WDFY4: variants seen among roughly 807,000 people sequenced by gnomAD.
WDFY4 encodes the protein WD repeat- and FYVE domain-containing protein 4.
WDFY4 carries 169 observed loss-of-function variants against 351.9 expected under a neutral mutation model. The ratio of observed to expected loss-of-function variants is 0.48; its 90% CI spans 0.42 to 0.55. WDFY4 has a LOEUF of 0.55. WDFY4 is among the 20% of genes least tolerant of loss of function. The pLI, the probability that WDFY4 is intolerant of heterozygous loss-of-function variation, is 0.00. For missense variants in WDFY4, 3,803 were observed against 3,935.6 expected, an observed-to-expected ratio of 0.97 and a Z score of 0.90; for synonymous variants, 1,622 against 1,574.6, an observed-to-expected ratio of 1.03 and a Z score of -0.71.
At chr10:48,923,656 A>C (rs1285184693) in intron 47 of WDFY4, among the ~76,000 whole-genome samples, 1 of 151,788 alleles carries the variant, frequency 6.6e-6, no homozygotes, top group Non-Finnish European at 1.5e-5. Context: ...GTATGAGCAT[A>C]TTGAGTGCCT....
At chr10:48,800,185 G>C (rs887962873) in intron 24 of WDFY4, among the ~76,000 whole-genome samples, 4 of 152,184 alleles carry the variant, frequency 2.6e-5, no homozygotes, top group African/African-American at 7.2e-5. Flanking sequence ...CGCCCAGCCG[G>C]TTTCGTGTTT....
At chr10:48,800,706 C>T (rs1319335441) in intron 24 of WDFY4, among the ~76,000 whole-genome samples, 1 of 134,452 alleles carries the variant, frequency 7.4e-6, no homozygotes, top group Non-Finnish European at 1.6e-5. Context: ...TTCTTTCTTT[C>T]TTTCTTTCTT....
intron 47 of WDFY4, among the ~76,000 whole-genome samples, chr10:48,941,582 G>T (rs1840766604): frequency 6.6e-6 from 1 of 152,182 alleles, no homozygotes; most frequent in South Asian, 2.1e-4. Context: ...CACAGCGGAG[G>T]GACACTGACT....
chr10:48,816,849 A>T (rs1302193955), intron 31 of WDFY4, among the ~76,000 whole-genome samples: 1 of 152,218 alleles, frequency 6.6e-6, no homozygotes, highest in Non-Finnish European at 1.5e-5. Flanking sequence ...TCTAACATGT[A>T]TGTATATACA....
intron 10 of WDFY4, among the ~76,000 whole-genome samples, chr10:48,734,302 T>C (rs1379895776): frequency 6.6e-6 from 1 of 152,188 alleles, no homozygotes; most frequent in Admixed American, 6.5e-5. Context: ...TCTAAATTTA[T>C]GAGAAAAATT....
In WDFY4 at chr10:48,970,873, G is replaced by A. The variant is rs75410500; in HGVS notation, c.8928+584G>A. Among the ~76,000 whole-genome samples, 182 of 152,314 alleles carry A rather than the reference G, an allele frequency of 1.2e-3. 2 individuals are homozygous for A. In the East Asian group the frequency reaches 0.031, roughly 26 times the overall value. On this transcript the variant is annotated intron_variant, in intron 57 of 61. Coordinates refer to ENST00000325239, the MANE Select transcript of WDFY4 (RefSeq NM_001394531.1). ...GGGAGGAGGAGGAGCCATGAGCCAG[G>A]AGTCTGAGGATGTGCACCACCAGCC... is the stretch of plus-strand genomic sequence containing the variant.
At position 48,970,201 on chromosome 10, in the gene WDFY4, C is replaced by T. The variant is rs41283303; in HGVS notation, c.8840C>T (p.Thr2947Met). ...TGCGCCGTGTGCCCATCCCCAACAA[C>T]GATTGTCACCTCTGGGACCAGCACT... ...CLCAVCPSPT[T>M]IVTSGTSTVV... Residue 2947 changes from threonine (T) to methionine (M), a missense_variant, in exon 57 of 62, where the codon ACG becomes ATG. Physicochemically the swap from Thr to Met is moderately conservative, Grantham distance 81. This residue lies in a region of WDFY4 where 3,054 missense variants were observed against 3,148.6 expected (regional missense o/e 0.97). Transcript: ENST00000325239. The T allele has an allele frequency of 7.7e-3, 11,955 of 1,551,728 alleles. 78 individuals are homozygous for T. Among genetic ancestry groups the T allele is most frequent in the East Asian group, 0.031 (1,274 of 40,918 alleles).
chr10:48,756,159 A>G (rs2065330189), intron 12 of WDFY4, among the ~76,000 whole-genome samples: 1 of 152,050 alleles, frequency 6.6e-6, no homozygotes, highest in Non-Finnish European at 1.5e-5. Flanking sequence ...CAACCCATAA[A>G]CATAGTGTGC....
In WDFY4 at chr10:48,811,572, A is replaced by G; in HGVS notation, c.5078A>G (p.Gln1693Arg). Residue 1693 changes from glutamine (Q) to arginine (R), a missense_variant, in exon 30 of 62, where the codon CAA becomes CGA. Coordinates refer to ENST00000325239, the MANE Select transcript of WDFY4 (RefSeq NM_001394531.1). ...NLKSQSPLPEQSPCLLPGFRV... is the reference protein window; with the variant it reads ...NLKSQSPLPERSPCLLPGFRV... ...AAGAGCCAGTCACCACTGCCTGAGCAAAGCCCATGCCTGCTTCCTGGGTTC... is the reference window on the plus strand; with the variant it reads ...AAGAGCCAGTCACCACTGCCTGAGCGAAGCCCATGCCTGCTTCCTGGGTTC... 6.4e-7 allele frequency: 1 copy of G among 1,552,282 alleles called. No individual in the cohort carries two copies. Among genetic ancestry groups the G allele is most frequent in the Non-Finnish European group, 8.7e-7 (1 of 1,147,110 alleles).
chr10:48,897,633 G>T, intron 45 of WDFY4, 59 bp downstream of exon 45: 2 of 1,527,270 alleles, frequency 1.3e-6, no homozygotes, highest in Non-Finnish European at 1.8e-6. Flanking sequence ...CATGGGACAG[G>T]TGGTCCAGGA....
At chr10:48,902,800 C>G (rs1837423524) in intron 47 of WDFY4, among the ~76,000 whole-genome samples, 1 of 151,960 alleles carries the variant, frequency 6.6e-6, no homozygotes, top group African/African-American at 2.4e-5. Flanking sequence ...AAGCCCTTAT[C>G]AAGAAAACAA....
intron 47 of WDFY4, among the ~76,000 whole-genome samples, chr10:48,932,037 G>A (rs1437170682): frequency 6.6e-6 from 1 of 152,182 alleles, no homozygotes; most frequent in South Asian, 2.1e-4. Context: ...ATAGAAGTGA[G>A]CCCCACTCCC....
At chr10:48,739,353 T>G (rs2064777566) in intron 11 of WDFY4, among the ~76,000 whole-genome samples, 1 of 152,192 alleles carries the variant, frequency 6.6e-6, no homozygotes, top group Non-Finnish European at 1.5e-5. Flanking sequence ...TTTCTTGAAA[T>G]GTGTCAACCC....
At chr10:48,968,985 T>C in intron 55 of WDFY4, 79 bp from the exon 56 acceptor site, 1 of 1,437,394 alleles carries the variant, frequency 7.0e-7, no homozygotes, top group Non-Finnish European at 9.4e-7. Flanking sequence ...TGTGTCTGCC[T>C]GTGACTCCTG....
In WDFY4 at chr10:48,913,967, C is replaced by G. The variant is rs201299291; in HGVS notation, c.7586+12104C>G. On this transcript the variant is annotated intron_variant, in intron 47 of 61. Transcript: ENST00000325239. ...ACTTGGAGATGGAGTCAGGGATCTT[C>G]CTGATAAGATTCCGGCTAAGGTCCA... 1.3e-5 allele frequency: 21 copies of G among 1,614,154 alleles called. No homozygotes were observed. In the East Asian group the frequency reaches 1.8e-4, roughly 14 times the overall value.
intron 47 of WDFY4, among the ~76,000 whole-genome samples, chr10:48,931,314 T>C (rs989115468): frequency 3.3e-5 from 5 of 152,300 alleles, no homozygotes; most frequent in African/African-American, 1.2e-4. Context: ...TCCTAGGTCA[T>C]CTGTGAGCTC....
At chr10:48,902,908 A>C (rs1194451957) in intron 47 of WDFY4, among the ~76,000 whole-genome samples, 5 of 152,076 alleles carry the variant, frequency 3.3e-5, no homozygotes, top group Non-Finnish European at 5.9e-5. Context: ...TCAGGAGTTC[A>C]AGACCAGCCT....
In WDFY4 at chr10:48,959,744, G is replaced by A; in HGVS notation, c.8154G>A (p.Val2718=). The A allele has an allele frequency of 6.4e-7, 1 of 1,551,636 alleles. No individual in the cohort carries two copies. The highest frequency in any genetic ancestry group is 1.4e-5 in the African/African-American group (1 of 73,168). The change falls in exon 53 of 62, where the codon GTG becomes GTA. Residue 2718 remains valine, a synonymous_variant. Transcript: ENST00000325239. ...CAGGCTGCATGCAGGACGGGACTGT[G>A]CTAGGAGACGTGCAGCTCCCTCCCT... ...VEFGCMQDGT[V]LGDVQLPPWA...
intron 39 of WDFY4, among the ~76,000 whole-genome samples, chr10:48,858,835 C>A (rs549691898): frequency 6.6e-6 from 1 of 152,152 alleles, no homozygotes; most frequent in Middle Eastern, 3.2e-3. Context: ...AATTCATGAA[C>A]ATGATATGTT....
Sources: gnomAD v4.1 joint callset for allele counts (sites outside exome capture counted in the v4.1 genomes callset) on GRCh38, gnomAD v4.1.1 for gene constraint, gnomAD v4.1.1 regional missense constraint, MANE v1.5 for transcripts, NCBI Gene and HGNC (gene_info 2026-07-23, HGNC 2026-07-21) for gene names.